The following KIF17 variants were observed in gnomAD, a reference collection of about 807,000 sequenced individuals.
KIF17 encodes kinesin family member 17, also known as kinesin-like protein KIF17.
KIF17 carries 80 observed loss-of-function variants against 96.8 expected under a neutral mutation model. The observed-to-expected ratio is 0.83, with a 90% CI of 0.69 to 1.00. KIF17 has a LOEUF of 1.00. Ranked by LOEUF, KIF17 falls within the 50% of genes least tolerant of loss-of-function variation. KIF17 has a pLI of 0.00. For synonymous variants in KIF17, 567 were observed against 587.5 expected, an observed-to-expected ratio of 0.97 and a Z score of 0.51; for missense variants, 1,280 against 1,372.9, an observed-to-expected ratio of 0.93 and a Z score of 1.07.
intron 11 of KIF17, among the ~76,000 whole-genome samples, chr1:20,681,761 G>C (rs1360377390): frequency 6.6e-6 from 1 of 152,040 alleles, no homozygotes; most frequent in African/African-American, 2.4e-5. Flanking sequence ...CCTGCTTCAG[G>C]CTCCATCCCA....
chr1:20,704,714 G>A lies in KIF17; in HGVS notation c.856C>T (p.Pro286Ser). 6.2e-7 allele frequency: 1 copy of A among 1,613,730 alleles called. No homozygotes were observed. Among genetic ancestry groups the A allele is most frequent in the Non-Finnish European group, 8.5e-7 (1 of 1,179,784 alleles). Residue 286 changes from proline (P) to serine (S), a missense_variant, in exon 5 of 15, where the codon CCC becomes TCC. Coordinates refer to ENST00000400463, the MANE Select transcript of KIF17 (RefSeq NM_001122819.3). This position sits in a 1 kb window ranked among gnomAD's most constrained non-coding sequence, Gnocchi z 6.8. ...CGCGTCAGCTTCGAGTCACGGTAGG[G>A]GACGTGCTTACAGCGCCCGTCCACC... ...ALVDGRCKHVPYRDSKLTRLL... is the reference protein window; with the variant it reads ...ALVDGRCKHVSYRDSKLTRLL...
chr1:20,682,687 G>A lies in KIF17; in HGVS notation c.2429C>T (p.Ala810Val). ...CATCTTCTCCAGCAGCTTGCTCTTGGCCCGCACTTCCTCCTGGATGGAGTC... is the reference window on the plus strand; with the variant it reads ...CATCTTCTCCAGCAGCTTGCTCTTGACCCGCACTTCCTCCTGGATGGAGTC... ...VYDSIQEEVR[A>V]KSKLLEKMQR... Residue 810 changes from alanine to valine, a missense_variant, in exon 11 of 15, where the codon GCC (alanine) becomes GTC (valine). By Grantham distance (64) the Ala-to-Val change is moderately conservative. Coordinates refer to ENST00000400463, the MANE Select transcript of KIF17 (RefSeq NM_001122819.3). The A allele has an allele frequency of 6.2e-7, 1 of 1,613,942 alleles. No individual in the cohort carries two copies. The highest frequency in any genetic ancestry group is 8.5e-7 in the Non-Finnish European group (1 of 1,180,028).
At position 20,687,881 on chromosome 1, in the gene KIF17, C is replaced by G. The variant is rs147249030; in HGVS notation, c.1445G>C (p.Ser482Thr). ...AAAAGCAGGCGGGTACTCAGCGCTG[C>G]TGGCAAACTCAGCCCTGGACATGAC... ...AEVMSRAEFASSAEYPPAFQY... is the reference protein window; with the variant it reads ...AEVMSRAEFATSAEYPPAFQY... Residue 482 changes from serine to threonine, a missense_variant, in exon 8 of 15, where the codon AGC becomes ACC. Coordinates refer to ENST00000400463, the MANE Select transcript of KIF17 (RefSeq NM_001122819.3). This position sits in a 1 kb window ranked among gnomAD's most constrained non-coding sequence, Gnocchi z 4.4. The G allele has an allele frequency of 7.9e-5, 128 of 1,613,852 alleles. No individual in the cohort carries two copies. Among genetic ancestry groups the G allele is most frequent in the Non-Finnish European group, 1.0e-4 (121 of 1,180,026 alleles).
intron 12 of KIF17, 132 bp downstream of exon 12, chr1:20,671,806 G>T: frequency 9.1e-7 from 1 of 1,095,250 alleles, no homozygotes; most frequent in Non-Finnish European, 1.3e-6. Flanking sequence ...GAGTCCTGAC[G>T]CATCAGGTAC....
At chr1:20,698,306 C>A (rs2054177368) in intron 6 of KIF17, 73 bp downstream of exon 6, 4 of 1,033,832 alleles carry the variant, frequency 3.9e-6, no homozygotes, top group Non-Finnish European at 4.6e-6. Flanking sequence ...TGGACCCCAG[C>A]GGCAGCCCTG....
chr1:20,677,196 G>A (rs2053753406), intron 11 of KIF17, among the ~76,000 whole-genome samples: 1 of 152,210 alleles, frequency 6.6e-6, no homozygotes, highest in Non-Finnish European at 1.5e-5. Context: ...GAGCAACAGG[G>A]TGAGACCTCG....
At chr1:20,682,237 C>A (rs377337956) in intron 11 of KIF17, among the ~76,000 whole-genome samples, 5 of 152,156 alleles carry the variant, frequency 3.3e-5, no homozygotes, top group African/African-American at 1.2e-4. Flanking sequence ...AGCTCCACAG[C>A]GACAGGGACA....
intron 11 of KIF17, among the ~76,000 whole-genome samples, chr1:20,673,625 G>T (rs1349718754): frequency 1.3e-5 from 2 of 151,288 alleles, no homozygotes; most frequent in African/African-American, 2.4e-5. Context: ...CTGACTCCAG[G>T]GTTTGAGCGA....
At chr1:20,686,841 G>T (rs866643353) in intron 8 of KIF17, among the ~76,000 whole-genome samples, 1 of 152,220 alleles carries the variant, frequency 6.6e-6, no homozygotes, top group South Asian at 2.1e-4. Context: ...GATTACAGGC[G>T]TGAGCCAATG....
At chr1:20,663,168 G>A (rs1458589710), downstream of KIF17, among the ~76,000 whole-genome samples, 2 of 152,192 alleles carry the variant, frequency 1.3e-5, no homozygotes, top group Non-Finnish European at 2.9e-5. Context: ...AGGCTTCAGT[G>A]AGCTGAGATT....
intron 1 of KIF17, chr1:20,717,254 G>C (rs1286165773): frequency 1.7e-6 from 1 of 572,550 alleles, no homozygotes; most frequent in East Asian, 3.0e-5. Context: ...GCTTGAACCC[G>C]GGAGGCGGAG....
At chr1:20,670,367 G>A (rs1293706539) in intron 13 of KIF17, 54 bp downstream of exon 13, 2 of 1,531,372 alleles carry the variant, frequency 1.3e-6, no homozygotes, top group African/African-American at 2.7e-5. Flanking sequence ...CACAGCACTG[G>A]GGGCAAAGCC....
At position 20,672,223 on chromosome 1, in the gene KIF17, A is replaced by T; in HGVS notation, c.2464-27T>A. On this transcript the variant is annotated intron_variant, in intron 11 of 14. Transcript: ENST00000400463. This position sits in a 1 kb window ranked among gnomAD's most constrained non-coding sequence, Gnocchi z 4.3. ...TGAAAGCAAAGGATGACAAGCAGTGAGCAGGGAAAGATACCTCCCCTTCCA... is the reference window on the plus strand; with the variant it reads ...TGAAAGCAAAGGATGACAAGCAGTGTGCAGGGAAAGATACCTCCCCTTCCA... 6.2e-7 allele frequency: 1 copy of T among 1,613,190 alleles called. No individual in the cohort carries two copies. The highest frequency in any genetic ancestry group is 8.5e-7 in the Non-Finnish European group (1 of 1,179,846).
intron 5 of KIF17, among the ~76,000 whole-genome samples, chr1:20,702,015 C>G (rs1015472546): frequency 6.6e-6 from 1 of 152,196 alleles, no homozygotes; most frequent in African/African-American, 2.4e-5. Context: ...GTCAGGCACG[C>G]CTGGTCTGAA....
intron 10 of KIF17, among the ~76,000 whole-genome samples, chr1:20,683,301 ATTG>A: frequency 6.6e-6 from 1 of 152,336 alleles, no homozygotes; most frequent in Non-Finnish European, 1.5e-5. Context: ...TGCACAATAC[ATTG>A]TTAAGACTAT....
chr1:20,687,756 G>C lies in KIF17; in HGVS notation c.1570C>G (p.Leu524Val). ...KTQVSSRFAE[L>V]PKVEPSKSEI... ...GATTTGGAGGGTTCCACCTTGGGCA[G>C]CTCCGCAAACCTGGAGGAAACCTGA... The change falls in exon 8 of 15, where the codon CTG (leucine) becomes GTG (valine). Residue 524 changes from leucine (L) to valine (V), a missense_variant. Physicochemically the swap from Leu to Val is conservative, Grantham distance 32. Transcript: ENST00000400463. The surrounding 1 kb of genome is among the most constrained non-coding windows in gnomAD (Gnocchi z 4.4). The C allele has an allele frequency of 1.2e-6, 2 of 1,614,206 alleles. No homozygotes were observed. The highest frequency in any genetic ancestry group is 1.7e-6 in the Non-Finnish European group (2 of 1,180,016).
intron 6 of KIF17, 73 bp downstream of exon 6, chr1:20,698,306 C>T (rs2054177368): frequency 6.8e-6 from 7 of 1,033,942 alleles, no homozygotes; most frequent in Admixed American, 1.8e-5. Flanking sequence ...TGGACCCCAG[C>T]GGCAGCCCTG....
At chr1:20,678,656 T>TG (rs1180310103) in intron 11 of KIF17, among the ~76,000 whole-genome samples, 2 of 151,732 alleles carry the variant, frequency 1.3e-5, no homozygotes, top group Non-Finnish European at 2.9e-5. Flanking sequence ...AGCCACCCCA[T>TG]GGGGAGGTAA....
At chr1:20,662,071 T>G (rs1381745436), downstream of KIF17, among the ~76,000 whole-genome samples, 5 of 152,258 alleles carry the variant, frequency 3.3e-5, no homozygotes, top group African/African-American at 1.2e-4. Flanking sequence ...CAGGACAGTT[T>G]CCCTGGCTGT....
Sources: allele counts gnomAD v4.1 joint callset (sites outside exome capture counted in the v4.1 genomes callset), GRCh38; gene constraint gnomAD v4.1.1; non-coding constraint Gnocchi (gnomAD v3.1); transcripts MANE v1.5; gene names NCBI Gene and HGNC (gene_info 2026-07-23, HGNC 2026-07-21).